ERBB4: variants seen among roughly 807,000 people sequenced by gnomAD.
The protein encoded by ERBB4 is receptor tyrosine-protein kinase erbB-4.
A neutral mutation model predicts 158.0 loss-of-function variants in ERBB4; 42 were observed. The observed-to-expected ratio is 0.27, with a 90% CI of 0.21 to 0.34. The LOEUF (loss-of-function observed/expected upper bound fraction) is 0.34. Ranked by LOEUF, ERBB4 falls within the 10% of genes least tolerant of loss-of-function variation. The pLI, the probability that ERBB4 is intolerant of heterozygous loss-of-function variation, is 1.00. For missense variants in ERBB4, 1,333 were observed against 1,624.1 expected (o/e 0.82, Z 3.08); for synonymous variants, 583 against 558.7 (o/e 1.04, Z -0.61).
rs761304162 is a variant in ERBB4 at position 211,712,064 on chromosome 2, G to A, written c.1110C>T (p.Val370=). ...TKINGNLIFL[V]TGIHGDPYNA... ...TTAATACTGACCCATGAATACCAGT[G>A]ACTAGAAAGATCAAATTCCCATTGA... Residue 370 remains valine, a synonymous_variant, in exon 9 of 28, where the codon GTC becomes GTT. Transcript: ENST00000342788. 1 of 1,611,900 alleles carries A rather than the reference G, an allele frequency of 6.2e-7. No homozygotes were observed. The highest frequency in any genetic ancestry group is 8.5e-7 in the Non-Finnish European group (1 of 1,178,144).
At chr2:211,750,522 A>G (rs2075101285) in intron 5 of ERBB4, 117 bp downstream of exon 5, 7 of 878,664 alleles carry the variant, frequency 8.0e-6, no homozygotes, top group Non-Finnish European at 1.3e-5. Flanking sequence ...AAGCAAATCA[A>G]CCACAAGGAG....
intron 4 of ERBB4, among the ~76,000 whole-genome samples, chr2:211,784,922 A>G (rs1170140188): frequency 3.9e-5 from 6 of 152,120 alleles, no homozygotes; most frequent in Admixed American, 3.9e-4. Flanking sequence ...AGAAATGTCT[A>G]TACAAATCTT....
intron 20 of ERBB4, among the ~76,000 whole-genome samples, chr2:211,542,997 G>A (rs1354925912): frequency 6.6e-6 from 1 of 151,968 alleles, no homozygotes; most frequent in Non-Finnish European, 1.5e-5. Context: ...GGCAGAATAA[G>A]GCGATCCATA....
intron 3 of ERBB4, among the ~76,000 whole-genome samples, chr2:211,820,157 A>G (rs539356855): frequency 6.6e-6 from 1 of 152,092 alleles, no homozygotes; most frequent in South Asian, 2.1e-4. Flanking sequence ...ACATATAAAA[A>G]GTATATAACT....
At chr2:211,738,361 G>GTTTTTT (rs10535592) in intron 5 of ERBB4, among the ~76,000 whole-genome samples, 383 of 135,374 alleles carry the variant, frequency 2.8e-3, no homozygotes, top group East Asian at 0.012. Flanking sequence ...CTTTGTTTTT[G>GTTTTTT]TTTTTTTTTT....
chr2:211,718,727 T>TA (rs77737317), intron 7 of ERBB4, among the ~76,000 whole-genome samples: 308 of 140,262 alleles, frequency 2.2e-3, no homozygotes, highest in East Asian at 8.0e-3. Flanking sequence ...TATATAAAAC[T>TA]AAAAAAAAAA....
At chr2:211,540,916 T>C (rs1213819177) in intron 20 of ERBB4, among the ~76,000 whole-genome samples, 1 of 152,002 alleles carries the variant, frequency 6.6e-6, no homozygotes, top group Non-Finnish European at 1.5e-5. Flanking sequence ...TCCTATGGTA[T>C]ACAGTATGTT....
chr2:212,287,369 A>T (rs1574604577), intron 1 of ERBB4, among the ~76,000 whole-genome samples: 1 of 152,136 alleles, frequency 6.6e-6, no homozygotes, highest in Non-Finnish European at 1.5e-5. Context: ...ACAGACAGAA[A>T]CCCATATGTA....
intron 2 of ERBB4, among the ~76,000 whole-genome samples, chr2:212,069,401 T>G (rs1175787421): frequency 6.6e-6 from 1 of 151,960 alleles, no homozygotes; most frequent in African/African-American, 2.4e-5. Context: ...GAACTAGGAT[T>G]AGAGTGAAAC....
rs990693857 is a variant in ERBB4, at chr2:211,872,798, C to A, written c.421+74632G>T. Among the ~76,000 whole-genome samples the A allele has an allele frequency of 5.9e-5, 9 of 151,954 alleles. 1 individual carries two copies. The highest frequency in any genetic ancestry group is 2.2e-4 in the African/African-American group (9 of 41,376). On this transcript the variant is annotated intron_variant, in intron 3 of 27. Coordinates refer to ENST00000342788, the MANE Select transcript of ERBB4 (RefSeq NM_005235.3). The stretch of plus-strand genomic sequence containing the variant: ...ATTGTTTTACTGTAAGTAAAAGGTA[C>A]ATTTACTTTTATTGTAAGTGATATT...
chr2:211,950,546 G>A (rs750528183), intron 2 of ERBB4, among the ~76,000 whole-genome samples: 22 of 152,012 alleles, frequency 1.4e-4, no homozygotes, highest in Non-Finnish European at 2.9e-4. Flanking sequence ...TAAAATATGT[G>A]AGCCTCTATT....
At chr2:211,905,681 T>TATATATATATATATATACAC (rs1480195605) in intron 3 of ERBB4, among the ~76,000 whole-genome samples, 3 of 110,664 alleles carry the variant, frequency 2.7e-5, no homozygotes, top group Non-Finnish European at 5.4e-5. Context: ...TATATATATA[T>TATATATATATATATATACAC]ACACACATAT....
chr2:211,428,326 A>C (rs2063676706), intron 22 of ERBB4, 82 bp downstream of exon 22: 1 of 819,076 alleles, frequency 1.2e-6, no homozygotes, highest in Non-Finnish European at 2.1e-6. Flanking sequence ...CAACAAAATA[A>C]TTTAGCTTAA....
intron 1 of ERBB4, among the ~76,000 whole-genome samples, chr2:212,195,859 C>T (rs1033524087): frequency 6.6e-6 from 1 of 152,032 alleles, no homozygotes; most frequent in Non-Finnish European, 1.5e-5. Context: ...GGTTTCCTTT[C>T]GTTATAGAGT....
At position 212,054,094 on chromosome 2, in the gene ERBB4, A is replaced by T. The variant is rs145715877; in HGVS notation, c.234+70658T>A. On this transcript the variant is annotated intron_variant, in intron 2 of 27. Transcript: ENST00000342788. The stretch of plus-strand genomic sequence containing the variant: ...CCCTCCTCCTCTTGCCCCACAGGGA[A>T]GAGTATTGCACCTGTCCTCATCTCA... 1.1e-3 allele frequency among the ~76,000 whole-genome samples: 175 copies of T among 152,232 alleles called. 1 individual carries two copies. Among genetic ancestry groups the T allele is most frequent in the African/African-American group, 4.0e-3 (167 of 41,536 alleles).
chr2:211,820,512 G>C (rs1400278136), intron 3 of ERBB4, among the ~76,000 whole-genome samples: 2 of 151,792 alleles, frequency 1.3e-5, no homozygotes. Flanking sequence ...TTTATTTAAA[G>C]AAGATTTAAT....
chr2:212,324,007 AC>A (rs1469921485), intron 1 of ERBB4, among the ~76,000 whole-genome samples: 1 of 150,396 alleles, frequency 6.6e-6, no homozygotes, highest in East Asian at 2.0e-4. Context: ...TCCAGTATCC[AC>A]CAACTCATAC....
rs376973959 is a variant in ERBB4 at position 212,413,110 on chromosome 2, G to A, written c.82+125339C>T. Among the ~76,000 whole-genome samples the A allele has an allele frequency of 2.7e-5, 4 of 150,354 alleles. No homozygotes were observed. In the Middle Eastern group the frequency reaches 0.014, roughly 522 times the overall value. On this transcript the variant is annotated intron_variant, in intron 1 of 27. Coordinates refer to ENST00000342788, the MANE Select transcript of ERBB4 (RefSeq NM_005235.3). ...AGCCTCCTGAGTAGCTGGGATTACAGGCACACACCACCATGCGTGGCTAAT... is the reference window on the plus strand; with the variant it reads ...AGCCTCCTGAGTAGCTGGGATTACAAGCACACACCACCATGCGTGGCTAAT...
chr2:211,769,432 C>T (rs1218035015), intron 4 of ERBB4, among the ~76,000 whole-genome samples: 1 of 152,146 alleles, frequency 6.6e-6, no homozygotes, highest in Non-Finnish European at 1.5e-5. Context: ...TTTAGCAACA[C>T]CTCACTCCTG....
Sources: gnomAD v4.1 joint callset for allele counts (sites outside exome capture counted in the v4.1 genomes callset) on GRCh38, gnomAD v4.1.1 for gene constraint, MANE v1.5 for transcripts, NCBI Gene and HGNC (gene_info 2026-07-23, HGNC 2026-07-21) for gene names.